GSG1L: variants seen among roughly 807,000 people sequenced by gnomAD.
The protein encoded by GSG1L is germ cell-specific gene 1-like protein.
A neutral mutation model predicts 42.1 loss-of-function variants in GSG1L; 24 were observed. The observed-to-expected ratio is 0.57, with a 90% CI of 0.41 to 0.80. The LOEUF (loss-of-function observed/expected upper bound fraction) is 0.80. Ranked by LOEUF, GSG1L falls within the 30% of genes least tolerant of loss-of-function variation. GSG1L has a pLI of 0.00. For missense variants in GSG1L, 445 were observed against 472.2 expected (o/e 0.94, Z 0.53); for synonymous variants, 215 against 203.5 (o/e 1.06, Z -0.48).
In GSG1L at chr16:28,063,208, CGGCGGCGGCGGCGGCGGG is replaced by C; in HGVS notation, c.199_216del (p.Pro67_Ala72del). 4 of 1,258,388 alleles carry C rather than the reference CGGCGGCGGCGGCGGCGGG, an allele frequency of 3.2e-6. No homozygotes were observed. The highest frequency in any genetic ancestry group is 2.8e-5 in the South Asian group (1 of 35,644). 78.0% of individuals were successfully genotyped at this position (1,258,388 alleles called of 1,614,324 possible). On this transcript the variant is annotated inframe_deletion, in exon 1 of 7. Coordinates refer to ENST00000447459, the MANE Select transcript of GSG1L (RefSeq NM_001109763.2). This position sits in a 1 kb window ranked among gnomAD's most constrained non-coding sequence, Gnocchi z 5.8. The stretch of plus-strand genomic sequence containing the variant: ...GGGCCGTTCCCCGAGGCGGTGGCGG[CGGCGGCGGCGGCGGCGGG>C]GGCGGCGGTGCCGTTGGCCGTGGCG...
chr16:27,848,597 A>G (rs2083469065), intron 3 of GSG1L, among the ~76,000 whole-genome samples: 1 of 152,174 alleles, frequency 6.6e-6, no homozygotes, highest in Non-Finnish European at 1.5e-5. Context: ...CTTAACGGGC[A>G]TGGGTTCTAG....
Position 27,791,234 on chromosome 16 carries a change from G to C in GSG1L, c.*136C>G. 1 of 495,326 alleles carries C rather than the reference G, an allele frequency of 2.0e-6. No individual in the cohort carries two copies. The highest frequency in any genetic ancestry group is 4.1e-5 in the Admixed American group (1 of 24,552). The allele number at this position is 495,326 out of a possible 1,614,324, so 30.7% of individuals were successfully genotyped here. A position where few individuals can be genotyped will look rare whatever the true frequency, so the allele number is the denominator to read the frequency against. On this transcript the variant is annotated 3_prime_UTR_variant, in exon 7 of 7. Transcript: ENST00000447459. ...ACCCAGGCAGCGATGGGCAGGACAG[G>C]CCTGGCATCTCCCACGCAGGCTGAC...
rs1230000348 is a variant in GSG1L, at chr16:27,788,354, A to T, written c.*3016T>A. 1 of 152,154 alleles carries T rather than the reference A, an allele frequency of 6.6e-6. No individual in the cohort carries two copies. The highest frequency in any genetic ancestry group is 1.5e-5 in the Non-Finnish European group (1 of 68,042). The allele number at this position is 152,154 out of a possible 1,614,324, so 9.4% of individuals were successfully genotyped here. A position where few individuals can be genotyped will look rare whatever the true frequency, so the allele number is the denominator to read the frequency against. On this transcript the variant is annotated 3_prime_UTR_variant, in exon 7 of 7. Coordinates refer to ENST00000447459, the MANE Select transcript of GSG1L (RefSeq NM_001109763.2). ...TCTCCCACAACTATTCTGTGCCCAT[A>T]GTTGCGGTGATCTTCCTCAAATGTA... is the stretch of plus-strand genomic sequence containing the variant.
At chr16:27,962,114 G>A (rs2085079042) in intron 2 of GSG1L, among the ~76,000 whole-genome samples, 1 of 152,150 alleles carries the variant, frequency 6.6e-6, no homozygotes, top group African/African-American at 2.4e-5. Context: ...CAGAGGGTAG[G>A]CAGGTGGGGA....
intron 4 of GSG1L, among the ~76,000 whole-genome samples, chr16:27,838,728 G>C (rs1353743929): frequency 6.6e-6 from 1 of 152,126 alleles, no homozygotes; most frequent in South Asian, 2.1e-4. Context: ...TGTGGGGCAC[G>C]GCTGGGCACA....
intron 3 of GSG1L, among the ~76,000 whole-genome samples, chr16:27,848,195 C>CA (rs1248098481): frequency 2.6e-5 from 4 of 152,184 alleles, no homozygotes; most frequent in African/African-American, 7.2e-5. Context: ...ATCTGAGACT[C>CA]ACTATGTAGG....
At chr16:27,851,130 T>C (rs572498538) in intron 3 of GSG1L, among the ~76,000 whole-genome samples, 1 of 152,204 alleles carries the variant, frequency 6.6e-6, no homozygotes, top group East Asian at 1.9e-4. Context: ...TGGCTTTTGA[T>C]GGGAATTGGG....
At chr16:27,911,074 T>G (rs35522644) in intron 2 of GSG1L, among the ~76,000 whole-genome samples, 13,283 of 152,016 alleles carry the variant, frequency 0.087, 911 homozygotes, top group East Asian at 0.17. Context: ...TGAGCCCCAG[T>G]CAAGGGCTGG....
At chr16:27,864,244 G>A (rs1275765495) in intron 3 of GSG1L, among the ~76,000 whole-genome samples, 1 of 152,222 alleles carries the variant, frequency 6.6e-6, no homozygotes, top group Non-Finnish European at 1.5e-5. Context: ...TGATTGGCCG[G>A]GCTTTGGGGC....
intron 3 of GSG1L, among the ~76,000 whole-genome samples, chr16:27,873,275 A>G (rs1223767189): frequency 6.6e-6 from 1 of 152,258 alleles, no homozygotes; most frequent in Non-Finnish European, 1.5e-5. Flanking sequence ...TCTTTGGAAC[A>G]TAAGCCTGAC....
intron 2 of GSG1L, among the ~76,000 whole-genome samples, chr16:27,928,350 C>T (rs73519077): frequency 0.022 from 3,398 of 152,244 alleles, 115 homozygotes; most frequent in African/African-American, 0.076. Context: ...CCCAACTCTG[C>T]CCAGCTCCTC....
At chr16:27,958,061 T>C (rs368259798) in intron 2 of GSG1L, among the ~76,000 whole-genome samples, 1 of 152,000 alleles carries the variant, frequency 6.6e-6, no homozygotes, top group Non-Finnish European at 1.5e-5. Context: ...CCTCCAGCAT[T>C]GAAGGTCACA....
chr16:28,008,694 G>A (rs566816512), intron 1 of GSG1L, among the ~76,000 whole-genome samples: 7 of 152,338 alleles, frequency 4.6e-5, no homozygotes, highest in East Asian at 3.9e-4. Flanking sequence ...AAGTCCTCAC[G>A]GTGGCCGGCA....
At chr16:27,991,843 T>C (rs1293770944) in intron 1 of GSG1L, among the ~76,000 whole-genome samples, 1 of 152,232 alleles carries the variant, frequency 6.6e-6, no homozygotes, top group South Asian at 2.1e-4. Context: ...GGAATCCTAC[T>C]GGGCCCAATC....
intron 2 of GSG1L, among the ~76,000 whole-genome samples, chr16:27,906,932 C>T (rs1003139250): frequency 5.3e-5 from 8 of 152,140 alleles, no homozygotes; most frequent in Admixed American, 6.5e-5. Context: ...CCTGGGCCAG[C>T]CCAGCATCCC....
intron 4 of GSG1L, among the ~76,000 whole-genome samples, chr16:27,842,896 T>A (rs57057516): frequency 6.6e-6 from 1 of 151,852 alleles, no homozygotes; most frequent in South Asian, 2.1e-4. Flanking sequence ...GATTCCCTCC[T>A]GTTTTGCCTT....
intron 5 of GSG1L, among the ~76,000 whole-genome samples, chr16:27,827,856 TTCCATCCATCCATCCA>T (rs72231743): frequency 0.28 from 36,441 of 128,084 alleles, 5,023 homozygotes; most frequent in Admixed American, 0.42. Context: ...CCACTCACCA[TTCCATCCATCCATCCA>T]TCCATCCATC....
chr16:28,009,886 T>G (rs1274670846), intron 1 of GSG1L, among the ~76,000 whole-genome samples: 1 of 152,252 alleles, frequency 6.6e-6, no homozygotes, highest in East Asian at 1.9e-4. Context: ...TTATCTTAGC[T>G]GCTGGCACCA....
intron 3 of GSG1L, among the ~76,000 whole-genome samples, chr16:27,870,018 T>G (rs1411716133): frequency 1.3e-5 from 2 of 149,246 alleles, no homozygotes; most frequent in South Asian, 4.3e-4. Flanking sequence ...CTTTTCTCTG[T>G]CTCCCTCCAT....
Sources: gnomAD v4.1 joint callset for allele counts (sites outside exome capture counted in the v4.1 genomes callset) on GRCh38, gnomAD v4.1.1 for gene constraint, Gnocchi (gnomAD v3.1) non-coding constraint, MANE v1.5 for transcripts, NCBI Gene and HGNC (gene_info 2026-07-23, HGNC 2026-07-21) for gene names.